Variants in SMARCA2 observed in about 807,000 individuals in gnomAD.
The protein encoded by SMARCA2 is SWI/SNF related BAF chromatin remodeling complex subunit ATPase 2.
SMARCA2 carries 61 observed loss-of-function variants against 199.8 expected under a neutral mutation model. That is an observed-to-expected ratio of 0.31 (90% CI 0.25 to 0.38). The LOEUF is 0.38. SMARCA2 is among the 10% of genes least tolerant of loss of function. SMARCA2 has a pLI of 1.00. For synonymous variants in SMARCA2, 935 were observed against 732.0 expected (o/e 1.28, Z -4.48); for missense variants, 1,344 against 2,012.2 (o/e 0.67, Z 6.35).
chr9:2,064,581 A>T (rs1312620025), intron 9 of SMARCA2, among the ~76,000 whole-genome samples: 1 of 152,200 alleles, frequency 6.6e-6, no homozygotes, highest in Non-Finnish European at 1.5e-5. Flanking sequence ...AATCAATAAT[A>T]ATTGGTCACC....
Position 2,081,956 on chromosome 9 carries a change from A to G in SMARCA2, c.2309A>G (p.Lys770Arg). ...IALITYLMEH[K>R]RLNGPYLIIV... ...CTCATCACTTATCTGATGGAGCACAAAAGACTCAATGGCCCCTATCTCATC... is the reference window on the plus strand; with the variant it reads ...CTCATCACTTATCTGATGGAGCACAGAAGACTCAATGGCCCCTATCTCATC... The change falls in exon 15 of 34, where the codon AAA becomes AGA. Residue 770 changes from lysine to arginine, a missense_variant. Physicochemically the swap from Lys to Arg is conservative, Grantham distance 26 (BLOSUM62 2). Transcript: ENST00000349721. 1 of 1,614,018 alleles carries G rather than the reference A, an allele frequency of 6.2e-7. No homozygotes were observed. The highest frequency in any genetic ancestry group is 8.5e-7 in the Non-Finnish European group (1 of 1,179,922).
chr9:2,084,634 C>T (rs1053474617), intron 17 of SMARCA2, among the ~76,000 whole-genome samples: 3 of 152,104 alleles, frequency 2.0e-5, no homozygotes, highest in Admixed American at 1.3e-4. Context: ...AGCCAGACAC[C>T]TCTCCATATG....
At chr9:2,088,741 T>C (rs1821916923) in intron 19 of SMARCA2, 128 bp downstream of exon 19, 2 of 684,468 alleles carry the variant, frequency 2.9e-6, no homozygotes, top group African/African-American at 3.7e-5. Context: ...CTTGAAAATA[T>C]CTTAAATTGT....
intron 9 of SMARCA2, among the ~76,000 whole-genome samples, chr9:2,066,360 AT>A (rs1408641745): frequency 6.6e-6 from 1 of 152,176 alleles, no homozygotes; most frequent in Non-Finnish European, 1.5e-5. Flanking sequence ...ATATTTAGAG[AT>A]TTCTTTCCCT....
In SMARCA2 at chr9:2,193,017, T is replaced by G. The variant is rs539464457; in HGVS notation, c.*278T>G. ...ATGGAAAATATGTGGGTGGATAGTA[T>G]ATTTCTATGGGTGGGTCTAATTTGG... On this transcript the variant is annotated 3_prime_UTR_variant, in exon 34 of 34. Transcript: ENST00000349721. 1 of 387,706 alleles carries G rather than the reference T, an allele frequency of 2.6e-6. No homozygotes were observed. Among genetic ancestry groups the G allele is most frequent in the Admixed American group, 4.4e-5 (1 of 22,596 alleles). 24.0% of individuals were successfully genotyped at this position (387,706 alleles called of 1,614,324 possible).
At chr9:2,136,890 T>G (rs150809316) in intron 27 of SMARCA2, among the ~76,000 whole-genome samples, 1 of 152,296 alleles carries the variant, frequency 6.6e-6, no homozygotes, top group East Asian at 1.9e-4. Flanking sequence ...AGAATTTTAG[T>G]GTCATTCCTC....
intron 8 of SMARCA2, among the ~76,000 whole-genome samples, chr9:2,060,187 T>G (rs985508590): frequency 2.7e-5 from 4 of 150,922 alleles, no homozygotes; most frequent in African/African-American, 9.8e-5. Context: ...ACCACAAAGT[T>G]TGTAATGCCA....
intron 21 of SMARCA2, among the ~76,000 whole-genome samples, chr9:2,098,730 G>A (rs1822377610): frequency 6.6e-6 from 1 of 152,186 alleles, no homozygotes; most frequent in Non-Finnish European, 1.5e-5. Context: ...GAGGTCAGGA[G>A]TTCGAGACCA....
chr9:2,035,084 C>G (rs1277149328), intron 3 of SMARCA2, among the ~76,000 whole-genome samples: 1 of 151,508 alleles, frequency 6.6e-6, no homozygotes. Context: ...CTCTGTTGCC[C>G]AGGCTGGAGT....
chr9:2,022,854 T>C (rs1359137841), intron 1 of SMARCA2, among the ~76,000 whole-genome samples: 1 of 152,304 alleles, frequency 6.6e-6, no homozygotes, highest in African/African-American at 2.4e-5. Flanking sequence ...TTTTTTTTGT[T>C]CAGTTTGTTA....
intron 33 of SMARCA2, chr9:2,192,450 A>G: frequency 2.0e-6 from 1 of 492,744 alleles, no homozygotes; most frequent in South Asian, 2.5e-5. Flanking sequence ...TAAACCTTTC[A>G]AGCCAAAGTG....
chr9:2,097,104 G>A, intron 20 of SMARCA2: 1 of 484,240 alleles, frequency 2.1e-6, no homozygotes, highest in Non-Finnish European at 3.7e-6. Flanking sequence ...CTGTGTTCCG[G>A]AGTCCTACGG....
intron 7 of SMARCA2, among the ~76,000 whole-genome samples, chr9:2,057,588 T>TAATA (rs1308977533): frequency 1.3e-5 from 2 of 152,202 alleles, no homozygotes; most frequent in African/African-American, 4.8e-5. Flanking sequence ...ATAACAAATA[T>TAATA]AATAGTGTCC....
rs770799502 is a variant in SMARCA2, at chr9:2,101,552, T to C, written c.3079-18T>C. On this transcript the variant is annotated intron_variant, in intron 21 of 33. Coordinates refer to ENST00000349721, the MANE Select transcript of SMARCA2 (RefSeq NM_003070.5). Reference sequence around the variant, plus strand: ...TTACATTTTTTAAAATCATTCTTTCTATCTCTCTCTTTTAAAGGAATCCTT... The same window carrying C: ...TTACATTTTTTAAAATCATTCTTTCCATCTCTCTCTTTTAAAGGAATCCTT... The C allele has an allele frequency of 7.8e-5, 109 of 1,390,572 alleles. 1 individual carries two copies. In the South Asian group the frequency reaches 1.4e-3, roughly 18 times the overall value. The allele number at this position is 1,390,572 out of a possible 1,614,324, so 86.1% of individuals were successfully genotyped here.
chr9:2,125,648 C>G (rs1333854829), intron 27 of SMARCA2, among the ~76,000 whole-genome samples: 1 of 152,082 alleles, frequency 6.6e-6, no homozygotes, highest in Non-Finnish European at 1.5e-5. Flanking sequence ...TACCACCATG[C>G]CCGGCTAATT....
intron 29 of SMARCA2, among the ~76,000 whole-genome samples, chr9:2,171,977 A>G (rs1040333493): frequency 1.3e-5 from 2 of 152,228 alleles, no homozygotes; most frequent in African/African-American, 2.4e-5. Context: ...GGAACTAGAT[A>G]AATTCATTTT....
In SMARCA2 at chr9:2,016,322, G is replaced by C. The variant is rs1818351725; in HGVS notation, c.-37+918G>C. ...AGCGCAGGCTCGGGTGTTAAAGTTC[G>C]GGATGTCCGGCCCGGGCCGCACTGC... On this transcript the variant is annotated intron_variant, in intron 1 of 33. Transcript: ENST00000349721. This position sits in a 1 kb window ranked among gnomAD's most constrained non-coding sequence, Gnocchi z 5.6. 11 of 152,332 alleles carry C rather than the reference G, an allele frequency of 7.2e-5. No individual in the cohort carries two copies. The highest frequency in any genetic ancestry group is 7.2e-4 in the Admixed American group (11 of 15,294). 9.4% of individuals were successfully genotyped at this position (152,332 alleles called of 1,614,324 possible).
intron 3 of SMARCA2, among the ~76,000 whole-genome samples, chr9:2,036,292 T>C (rs1389486094): frequency 6.6e-6 from 1 of 152,090 alleles, no homozygotes; most frequent in Non-Finnish European, 1.5e-5. Flanking sequence ...TGCATCTCTC[T>C]GAGGCAAGGT....
chr9:2,098,434 C>T (rs1272478320), intron 21 of SMARCA2, among the ~76,000 whole-genome samples: 1 of 152,146 alleles, frequency 6.6e-6, no homozygotes, highest in Non-Finnish European at 1.5e-5. Context: ...CATGGCACAC[C>T]ATATCCACAT....
Sources: allele counts gnomAD v4.1 joint callset (sites outside exome capture counted in the v4.1 genomes callset), GRCh38; gene constraint gnomAD v4.1.1; non-coding constraint Gnocchi (gnomAD v3.1); transcripts MANE v1.5; gene names NCBI Gene and HGNC (gene_info 2026-07-23, HGNC 2026-07-21).